Variants in DMXL2 observed in about 807,000 individuals in gnomAD.
The protein encoded by DMXL2 is dmX-like protein 2.
In DMXL2, 103 loss-of-function variants were observed where a neutral mutation model predicts 331.1. The observed-to-expected ratio is 0.31, with a 90% CI of 0.27 to 0.37. The LOEUF is 0.37. DMXL2 is among the 10% of genes least tolerant of loss of function. The probability of loss-of-function intolerance (pLI) is 1.00; values close to 1 mark genes in which losing one functional copy is unlikely to be tolerated. For synonymous variants in DMXL2, 1,281 were observed against 1,252.1 expected (o/e 1.02, Z -0.49); for missense variants, 3,171 against 3,642.9 (o/e 0.87, Z 3.33).
chr15:51,496,989 C>A (rs937387161), intron 18 of DMXL2, among the ~76,000 whole-genome samples: 1 of 152,140 alleles, frequency 6.6e-6, no homozygotes, highest in African/African-American at 2.4e-5. Flanking sequence ...TATTGCTTAG[C>A]CAATGATACA....
At chr15:51,585,335 T>C (rs555160689) in intron 1 of DMXL2, among the ~76,000 whole-genome samples, 1 of 149,628 alleles carries the variant, frequency 6.7e-6, no homozygotes, top group East Asian at 2.0e-4. Context: ...GTTTTTAGCA[T>C]GAAGGGTTGT....
At chr15:51,547,526 A>G (rs949970847) in intron 6 of DMXL2, 118 bp from the exon 7 acceptor site, 2 of 593,890 alleles carry the variant, frequency 3.4e-6, no homozygotes, top group Non-Finnish European at 5.4e-6. Context: ...TGACTTATAC[A>G]TAATACAAAA....
intron 29 of DMXL2, among the ~76,000 whole-genome samples, chr15:51,469,936 C>A (rs2040942766): frequency 1.3e-5 from 2 of 152,124 alleles, no homozygotes; most frequent in Non-Finnish European, 2.9e-5. Context: ...TCACAATGTG[C>A]CTAAGCTCAT....
At position 51,476,576 on chromosome 15, in the gene DMXL2, T is replaced by C; in HGVS notation, c.6964+13A>G. 1 of 1,596,842 alleles carries C rather than the reference T, an allele frequency of 6.3e-7. No homozygotes were observed. Among genetic ancestry groups the C allele is most frequent in the Non-Finnish European group, 8.5e-7 (1 of 1,175,498 alleles). ...CTAGAAGATTTTTTTTTTTTAATCATTTAAATTCTCACCAGGCCATTGAGC... is the reference window on the plus strand; with the variant it reads ...CTAGAAGATTTTTTTTTTTTAATCACTTAAATTCTCACCAGGCCATTGAGC... On this transcript the variant is annotated intron_variant, in intron 27 of 43. Transcript: ENST00000560891.
intron 28 of DMXL2, 87 bp downstream of exon 28, chr15:51,474,257 A>T: frequency 7.6e-7 from 1 of 1,321,646 alleles, no homozygotes; most frequent in South Asian, 1.5e-5. Context: ...TTATTTTCAA[A>T]GTGAAATTTC....
chr15:51,480,627 C>T lies in DMXL2; in HGVS notation c.6479G>A (p.Ser2160Asn), dbSNP rs745934613. The change falls in exon 24 of 44, where the codon AGC becomes AAC. Residue 2160 changes from serine to asparagine, a missense_variant. Physicochemically the swap from Ser to Asn is conservative, Grantham distance 46 (BLOSUM62 1). Around this residue, in one of 7 missense-constraint regions of DMXL2, gnomAD observed 197 missense variants for 196.2 expected, o/e 1.00. Transcript: ENST00000560891. ...TTGGGCCCCATGAAGGCTACAGTAG[C>T]TGAGAAATACTCTCAGGAGATCTTG... Reference protein sequence around the residue: ...KNQDLLRVFLSYCSLHGAQGG... With the variant: ...KNQDLLRVFLNYCSLHGAQGG... The T allele has an allele frequency of 1.2e-6, 2 of 1,608,044 alleles. No individual in the cohort carries two copies.
intron 1 of DMXL2, among the ~76,000 whole-genome samples, chr15:51,608,895 G>A (rs983421789): frequency 1.2e-4 from 19 of 152,156 alleles, no homozygotes; most frequent in African/African-American, 4.6e-4. Context: ...GAGGAAGGAA[G>A]AAACGAAGAG....
chr15:51,547,141 G>A, intron 7 of DMXL2, 89 bp downstream of exon 7: 1 of 1,174,696 alleles, frequency 8.5e-7, no homozygotes, highest in Non-Finnish European at 1.2e-6. Flanking sequence ...GCTATTAATT[G>A]CCACCATGTA....
chr15:51,574,443 T>C (rs2050879416), intron 2 of DMXL2, among the ~76,000 whole-genome samples: 1 of 151,422 alleles, frequency 6.6e-6, no homozygotes, highest in Admixed American at 6.6e-5. Flanking sequence ...CTGCCAAAAA[T>C]ATCCCCTGTG....
At chr15:51,508,678 T>TCC (rs1226809174) in intron 15 of DMXL2, among the ~76,000 whole-genome samples, 3 of 152,144 alleles carry the variant, frequency 2.0e-5, no homozygotes, top group African/African-American at 7.2e-5. Context: ...AACAATAAAT[T>TCC]CAACAGTAGC....
At chr15:51,612,151 C>T (rs994374756) in intron 1 of DMXL2, among the ~76,000 whole-genome samples, 1 of 152,156 alleles carries the variant, frequency 6.6e-6, no homozygotes, top group African/African-American at 2.4e-5. Flanking sequence ...AATGAAGATA[C>T]TAGACTAGAT....
chr15:51,617,960 A>G (rs2054387547), intron 1 of DMXL2, among the ~76,000 whole-genome samples: 1 of 152,210 alleles, frequency 6.6e-6, no homozygotes, highest in Non-Finnish European at 1.5e-5. Context: ...CAAGCCCACA[A>G]GGTTTTAAAT....
Position 51,563,429 on chromosome 15 carries a change from A to C in DMXL2, c.519T>G (p.His173Gln). The C allele has an allele frequency of 6.2e-7, 1 of 1,609,460 alleles. No homozygotes were observed. Among genetic ancestry groups the C allele is most frequent in the Non-Finnish European group, 8.5e-7 (1 of 1,177,908 alleles). ...VWQCKTSVSV[H>Q]LMEWSPDGEY... ...CACCATCAGGAGACCATTCCATCAA[A>C]TGTACAGATACTGAGGTTCTAAAAA... The change falls in exon 6 of 44, where the codon CAT (histidine) becomes CAG (glutamine). Residue 173 changes from histidine (H) to glutamine (Q), a missense_variant. His to Gln is a conservative substitution (Grantham distance 24). This residue lies in a region of DMXL2 where 1,674 missense variants were observed against 1,780.2 expected (regional missense o/e 0.94). Coordinates refer to ENST00000560891, the MANE Select transcript of DMXL2 (RefSeq NM_001378457.1).
chr15:51,576,127 G>T lies in DMXL2; in HGVS notation c.142C>A (p.Gln48Lys). 1 of 1,445,050 alleles carries T rather than the reference G, an allele frequency of 6.9e-7. No individual in the cohort carries two copies. 89.5% of individuals were successfully genotyped at this position (1,445,050 alleles called of 1,614,324 possible). Residue 48 changes from glutamine (Q) to lysine (K), a missense_variant, in exon 2 of 44, where the codon CAG becomes AAG. Physicochemically the swap from Gln to Lys is moderately conservative, Grantham distance 53 (BLOSUM62 1). Around this residue, in one of 7 missense-constraint regions of DMXL2, gnomAD observed 1,674 missense variants for 1,780.2 expected, o/e 0.94. Transcript: ENST00000560891. ...CCATGCTTAGCACCAGGAATGATCT[G>T]TACACATTCAAAGTCATTTGCCAAA... ...VILANDFECVQIIPGAKHGNI... is the reference protein window; with the variant it reads ...VILANDFECVKIIPGAKHGNI...
Position 51,485,792 on chromosome 15 carries a change from G to A in DMXL2, c.5482+281C>T, listed in dbSNP as rs532960118. Among the ~76,000 whole-genome samples the A allele has an allele frequency of 4.6e-5, 7 of 152,084 alleles. No homozygotes were observed. In the South Asian group the frequency reaches 1.5e-3, roughly 32 times the overall value. On this transcript the variant is annotated intron_variant, in intron 23 of 43. Coordinates refer to ENST00000560891, the MANE Select transcript of DMXL2 (RefSeq NM_001378457.1). ...CCAGGCCCATGTGACAAACCAATAC[G>A]TGTAACAGCCAAAATTTCCATTTAA...
intron 43 of DMXL2, 36 bp from the exon 44 acceptor site, chr15:51,449,229 G>T: frequency 6.2e-7 from 1 of 1,606,668 alleles, no homozygotes; most frequent in Non-Finnish European, 8.5e-7. Context: ...AATATATTAC[G>T]AAAAGACCAA....
At position 51,474,271 on chromosome 15, in the gene DMXL2, A is replaced by T; in HGVS notation, c.7213+73T>A. On this transcript the variant is annotated intron_variant, in intron 28 of 43. Coordinates refer to ENST00000560891, the MANE Select transcript of DMXL2 (RefSeq NM_001378457.1). The stretch of plus-strand genomic sequence containing the variant: ...CTTATTTTCAAAGTGAAATTTCTTG[A>T]AACATTAAAAAAAATTTTAACATTC... The T allele has an allele frequency of 1.8e-5, 26 of 1,454,236 alleles. No individual in the cohort carries two copies. In the South Asian group the frequency reaches 3.6e-4, roughly 20 times the overall value. 90.1% of individuals were successfully genotyped at this position (1,454,236 alleles called of 1,614,324 possible). A position where few individuals can be genotyped will look rare whatever the true frequency, so the allele number is the denominator to read the frequency against.
rs569001529 is a variant in DMXL2 at position 51,507,332 on chromosome 15, A to C, written c.2645-79T>G. ...AAAACACTTTTTAAAAGCTACCACC[A>C]CCTCTTGATATGCATGGAAGTTGGG... On this transcript the variant is annotated intron_variant, in intron 15 of 43. Coordinates refer to ENST00000560891, the MANE Select transcript of DMXL2 (RefSeq NM_001378457.1). 20 of 1,336,898 alleles carry C rather than the reference A, an allele frequency of 1.5e-5. No individual in the cohort carries two copies. In the South Asian group the frequency reaches 2.9e-4, roughly 20 times the overall value. The allele number at this position is 1,336,898 out of a possible 1,614,324, so 82.8% of individuals were successfully genotyped here.
intron 2 of DMXL2, among the ~76,000 whole-genome samples, chr15:51,570,440 G>A (rs945083930): frequency 2.0e-5 from 3 of 152,078 alleles, no homozygotes; most frequent in Admixed American, 6.5e-5. Flanking sequence ...GAAATACAGA[G>A]AACACCACAA....
Sources: gnomAD v4.1 joint callset for allele counts (sites outside exome capture counted in the v4.1 genomes callset) on GRCh38, gnomAD v4.1.1 for gene constraint, gnomAD v4.1.1 regional missense constraint, MANE v1.5 for transcripts, NCBI Gene and HGNC (gene_info 2026-07-23, HGNC 2026-07-21) for gene names.